The following CRABP2 variants were observed in gnomAD, a reference collection of about 807,000 sequenced individuals.
CRABP2 encodes cellular retinoic acid-binding protein 2.
In CRABP2, 20 loss-of-function variants were observed where a neutral mutation model predicts 17.9. The observed-to-expected ratio is 1.12, with a 90% CI of 0.79 to 1.63. The LOEUF is 1.63. CRABP2 is among the 40% of genes most tolerant of loss of function. The probability of loss-of-function intolerance (pLI) is 0.00; values close to 1 mark genes in which losing one functional copy is unlikely to be tolerated. For missense variants in CRABP2, 151 were observed against 168.6 expected (o/e 0.90, Z 0.58); for synonymous variants, 76 against 66.4 (o/e 1.14, Z -0.70).
intron 1 of CRABP2, among the ~76,000 whole-genome samples, chr1:156,702,124 C>G (rs966472633): frequency 2.0e-5 from 3 of 152,062 alleles, no homozygotes; most frequent in African/African-American, 7.2e-5. Context: ...GCACTCCAGC[C>G]TGGGTGACAG....
At chr1:156,701,862 G>A (rs927866330) in intron 1 of CRABP2, among the ~76,000 whole-genome samples, 5 of 152,126 alleles carry the variant, frequency 3.3e-5, no homozygotes, top group African/African-American at 1.2e-4. Context: ...ATCAAGGTTG[G>A]GTATAGTGGC....
chr1:156,704,338 C>T lies in CRABP2; in HGVS notation c.70+1039G>A, dbSNP rs34524262. Among the ~76,000 whole-genome samples, 1,183 of 152,228 alleles carry T rather than the reference C, an allele frequency of 7.8e-3. 10 individuals carry two copies. The highest frequency in any genetic ancestry group is 0.012 in the Non-Finnish European group (811 of 67,986). On this transcript the variant is annotated intron_variant, in intron 1 of 3. Transcript: ENST00000368222. ...TCCTATAGTCCAGGGAGAGGGGTGC[C>T]TTCCCTCCCTCCCCTCTCGCCCAAC... is the stretch of plus-strand genomic sequence containing the variant.
In CRABP2 at chr1:156,705,324, G is replaced by T; in HGVS notation, c.70+53C>A. The T allele has an allele frequency of 6.3e-7, 1 of 1,584,994 alleles. No individual in the cohort carries two copies. The highest frequency in any genetic ancestry group is 1.7e-4 in the Middle Eastern group (1 of 5,982). The stretch of plus-strand genomic sequence containing the variant: ...CGCTGTCTTTCTCATCCCCAACTTC[G>T]AGGACTCCAGAGCCCCCCCTTGCCC... On this transcript the variant is annotated intron_variant, in intron 1 of 3. Transcript: ENST00000368222. The surrounding 1 kb of genome is among the most constrained non-coding windows in gnomAD (Gnocchi z 5.2).
Position 156,699,952 on chromosome 1 carries a change from A to G in CRABP2, c.*74T>C, listed in dbSNP as rs548671460. On this transcript the variant is annotated 3_prime_UTR_variant, in exon 4 of 4. Transcript: ENST00000368222. ...CGCTATCCTAGAAGGAGGGGGTGGG[A>G]CGGAGGGGGCAGTGAAGCAGGGCGG... 2 of 1,482,950 alleles carry G rather than the reference A, an allele frequency of 1.3e-6. No individual in the cohort carries two copies. The highest frequency in any genetic ancestry group is 2.4e-5 in the South Asian group (2 of 83,822). The allele number at this position is 1,482,950 out of a possible 1,614,324, so 91.9% of individuals were successfully genotyped here. A position where few individuals can be genotyped will look rare whatever the true frequency, so the allele number is the denominator to read the frequency against.
chr1:156,705,274 G>C lies in CRABP2; in HGVS notation c.70+103C>G, dbSNP rs114828892. ...CGTTTTTCGGGGATGCAGGCACCCAGTGTCTCACGCCCTGATTGTGGTCCC... is the reference window on the plus strand; with the variant it reads ...CGTTTTTCGGGGATGCAGGCACCCACTGTCTCACGCCCTGATTGTGGTCCC... On this transcript the variant is annotated intron_variant, in intron 1 of 3. Coordinates refer to ENST00000368222, the MANE Select transcript of CRABP2 (RefSeq NM_001878.4). This position sits in a 1 kb window ranked among gnomAD's most constrained non-coding sequence, Gnocchi z 5.2. The C allele has an allele frequency of 0.013, 17,154 of 1,282,984 alleles. 173 individuals are homozygous for C. The highest frequency in any genetic ancestry group is 0.035 in the Middle Eastern group (186 of 5,356). 79.5% of individuals were successfully genotyped at this position (1,282,984 alleles called of 1,614,324 possible).
chr1:156,700,423 T>C (rs1468149035), intron 3 of CRABP2, 119 bp downstream of exon 3: 6 of 793,514 alleles, frequency 7.6e-6, no homozygotes, highest in Non-Finnish European at 1.1e-5. Context: ...AGCAGTCCCA[T>C]CAGCAGGGTG....
chr1:156,700,499 GT>G, intron 3 of CRABP2, 42 bp downstream of exon 3: 1 of 1,478,330 alleles, frequency 6.8e-7, no homozygotes, highest in Non-Finnish European at 9.5e-7. Context: ...ATCTTGGAAG[GT>G]AGCACTGGGT....
intron 1 of CRABP2, among the ~76,000 whole-genome samples, chr1:156,701,744 C>G (rs1571480602): frequency 6.6e-6 from 1 of 152,180 alleles, no homozygotes; most frequent in African/African-American, 2.4e-5. Flanking sequence ...TGATTTCCTC[C>G]TGGCTCAGCC....
chr1:156,700,860 C>T lies in CRABP2; in HGVS notation c.249+14G>A. 6.2e-7 allele frequency: 1 copy of T among 1,611,886 alleles called. No individual in the cohort carries two copies. Among genetic ancestry groups the T allele is most frequent in the East Asian group, 2.2e-5 (1 of 44,862 alleles). ...CAATGACGCCATGACCCTGGAGCCCCTTCTGGCACTCACCTTACAGGGCCT... is the reference window on the plus strand; with the variant it reads ...CAATGACGCCATGACCCTGGAGCCCTTTCTGGCACTCACCTTACAGGGCCT... On this transcript the variant is annotated intron_variant, in intron 2 of 3. Transcript: ENST00000368222.
rs757622730 is a variant in CRABP2 at position 156,700,069 on chromosome 1, G to A, written c.374C>T (p.Thr125Met). ...CCTGGTGCACACAACGTCATCCGCC[G>A]TCATGGTCTGGAAGGACAGAAGTAG... is the stretch of plus-strand genomic sequence containing the variant. ...TNDGELILTM[T>M]ADDVVCTRVY... The change falls in exon 4 of 4, where the codon ACG becomes ATG. Residue 125 changes from threonine to methionine, a missense_variant. Physicochemically the swap from Thr to Met is moderately conservative, Grantham distance 81 (BLOSUM62 -1). Transcript: ENST00000368222. 1.5e-5 allele frequency: 25 copies of A among 1,613,446 alleles called. No individual in the cohort carries two copies. The highest frequency in any genetic ancestry group is 1.1e-4 in the East Asian group (5 of 44,870).
At chr1:156,700,343 G>A (rs1474986525) in intron 3 of CRABP2, among the ~76,000 whole-genome samples, 199 bp downstream of exon 3, 1 of 152,114 alleles carries the variant, frequency 6.6e-6, no homozygotes, top group Non-Finnish European at 1.5e-5. Flanking sequence ...CCCTTTGCTT[G>A]CATAAAAGGA....
chr1:156,704,809 G>T (rs1397846984), intron 1 of CRABP2, among the ~76,000 whole-genome samples: 1 of 151,806 alleles, frequency 6.6e-6, no homozygotes, highest in Admixed American at 6.6e-5. Flanking sequence ...GGGGTGGGGA[G>T]AGCAGAGTGG....
intron 3 of CRABP2, 33 bp downstream of exon 3, chr1:156,700,509 G>A: frequency 6.5e-7 from 1 of 1,535,162 alleles, no homozygotes; most frequent in Non-Finnish European, 9.0e-7. Context: ...GTAGCACTGG[G>A]TTTGCTATTA....
In CRABP2 at chr1:156,705,389, G is replaced by A; in HGVS notation, c.58C>T (p.Leu20Phe). ...IIRSENFEEL[L>F]KVLGVNVMLR... ...AACATTTCCTTACCCAGCACTTTGA[G>A]CAATTCCTCGAAGTTTTCCGATCGG... The change falls in exon 1 of 4, where the codon CTC (leucine) becomes TTC (phenylalanine). Residue 20 changes from leucine to phenylalanine, a missense_variant. Leu to Phe is a conservative substitution (Grantham distance 22, BLOSUM62 0). Coordinates refer to ENST00000368222, the MANE Select transcript of CRABP2 (RefSeq NM_001878.4). The surrounding 1 kb of genome is among the most constrained non-coding windows in gnomAD (Gnocchi z 5.2). The A allele has an allele frequency of 6.2e-7, 1 of 1,614,076 alleles. No homozygotes were observed. The highest frequency in any genetic ancestry group is 1.1e-5 in the South Asian group (1 of 91,084).
Position 156,702,499 on chromosome 1 carries a change from G to A in CRABP2, c.71-1447C>T, listed in dbSNP as rs865819709. On this transcript the variant is annotated intron_variant, in intron 1 of 3. Transcript: ENST00000368222. ...AACAAACAAACAAAAACGACCTGGC[G>A]CAGTGGCCCATGCCTGTAATCCCAG... 2.0e-5 allele frequency among the ~76,000 whole-genome samples: 3 copies of A among 151,776 alleles called. No homozygotes were observed. In the East Asian group the frequency reaches 5.8e-4, roughly 29 times the overall value.
rs568172722 is a variant in CRABP2 at position 156,704,124 on chromosome 1, G to A, written c.70+1253C>T. ...CCAGAATCCAGAGAAGATGAGGAGG[G>A]AGTGGCATCTAGGCTTTCCAAAGAG... is the stretch of plus-strand genomic sequence containing the variant. On this transcript the variant is annotated intron_variant, in intron 1 of 3. Coordinates refer to ENST00000368222, the MANE Select transcript of CRABP2 (RefSeq NM_001878.4). Among the ~76,000 whole-genome samples the A allele has an allele frequency of 3.6e-4, 55 of 152,318 alleles. 2 individuals are homozygous for A. Among genetic ancestry groups the A allele is most frequent in the African/African-American group, 1.3e-3 (53 of 41,570 alleles).
chr1:156,700,871 CACCTT>C lies in CRABP2; in HGVS notation c.247_249+2del, dbSNP rs781470501. On this transcript the variant is annotated splice_donor_variant and coding_sequence_variant, in exon 2 of 4. Coordinates refer to ENST00000368222, the MANE Select transcript of CRABP2 (RefSeq NM_001878.4). LOFTEE classifies it high-confidence loss of function. ...TGACCCTGGAGCCCCTTCTGGCACTCACCTTACAGGGCCTCCCATCCACAGTCTGC... is the reference window on the plus strand; with the variant it reads ...TGACCCTGGAGCCCCTTCTGGCACTCACAGGGCCTCCCATCCACAGTCTGC... The C allele has an allele frequency of 1.3e-4, 207 of 1,612,714 alleles. No individual in the cohort carries two copies. The highest frequency in any genetic ancestry group is 1.6e-4 in the Non-Finnish European group (188 of 1,178,974).
At position 156,705,369 on chromosome 1, in the gene CRABP2, T is replaced by C; in HGVS notation, c.70+8A>G. The C allele has an allele frequency of 6.2e-7, 1 of 1,613,704 alleles. No individual in the cohort carries two copies. The highest frequency in any genetic ancestry group is 8.5e-7 in the Non-Finnish European group (1 of 1,179,842). ...TTGCCCCACCTGGGCCCTCGAACAT[T>C]TCCTTACCCAGCACTTTGAGCAATT... On this transcript the variant is annotated splice_region_variant and intron_variant, in intron 1 of 3. Coordinates refer to ENST00000368222, the MANE Select transcript of CRABP2 (RefSeq NM_001878.4). This position sits in a 1 kb window ranked among gnomAD's most constrained non-coding sequence, Gnocchi z 5.2.
In CRABP2 at chr1:156,705,447, G is replaced by A; in HGVS notation, c.-1C>T. On this transcript the variant is annotated 5_prime_UTR_variant, in exon 1 of 4. Transcript: ENST00000368222. This position sits in a 1 kb window ranked among gnomAD's most constrained non-coding sequence, Gnocchi z 5.2. ...TCCAGTTGCCAGAGAAGTTGGGCAT[G>A]GTGGCGGCGCGGGAGGCGGTCCCCG... The A allele has an allele frequency of 6.2e-7, 1 of 1,614,132 alleles. No individual in the cohort carries two copies. The highest frequency in any genetic ancestry group is 8.5e-7 in the Non-Finnish European group (1 of 1,180,014).
Sources: allele counts gnomAD v4.1 joint callset (sites outside exome capture counted in the v4.1 genomes callset), GRCh38; gene constraint gnomAD v4.1.1; non-coding constraint Gnocchi (gnomAD v3.1); transcripts MANE v1.5; gene names NCBI Gene and HGNC (gene_info 2026-07-23, HGNC 2026-07-21).